TNFRSF21: variants seen among roughly 807,000 people sequenced by gnomAD.
TNFRSF21 encodes the protein TNF receptor superfamily member 21, also known as tumor necrosis factor receptor superfamily member 21.
In TNFRSF21, 19 loss-of-function variants were observed where a neutral mutation model predicts 45.6. The observed-to-expected ratio is 0.42, with a 90% CI of 0.29 to 0.61. The LOEUF (loss-of-function observed/expected upper bound fraction) is 0.61. Ranked by LOEUF, TNFRSF21 falls within the 20% of genes least tolerant of loss-of-function variation. The probability of loss-of-function intolerance (pLI) is 0.23; values close to 1 mark genes in which losing one functional copy is unlikely to be tolerated. For missense variants in TNFRSF21, 737 were observed against 851.5 expected, an observed-to-expected ratio of 0.87 and a Z score of 1.67; for synonymous variants, 314 against 335.5, an observed-to-expected ratio of 0.94 and a Z score of 0.70.
chr6:47,302,811 A>C (rs1230377132), intron 1 of TNFRSF21, among the ~76,000 whole-genome samples: 2 of 152,218 alleles, frequency 1.3e-5, no homozygotes, highest in Non-Finnish European at 2.9e-5. Context: ...AGCAGTGTGC[A>C]CAAAGCCACA....
rs1211680765 is a variant in TNFRSF21, at chr6:47,287,322, A to AG, written c.97-728_97-727insC. ...AACTCTTTCTCAAAAAAAAAAAAAA[A>AG]AAAAAAAAAAAAGAAAAGAAAAATT... On this transcript the variant is annotated intron_variant, in intron 1 of 5. Transcript: ENST00000296861. Among the ~76,000 whole-genome samples the AG allele has an allele frequency of 1.5e-4, 23 of 148,810 alleles. 1 individual carries two copies. The highest frequency in any genetic ancestry group is 5.1e-4 in the African/African-American group (21 of 40,798).
intron 1 of TNFRSF21, among the ~76,000 whole-genome samples, chr6:47,306,559 G>A (rs1762942251): frequency 6.6e-6 from 1 of 152,136 alleles, no homozygotes; most frequent in African/African-American, 2.4e-5. Flanking sequence ...ATGAATAAAT[G>A]AGATACTGTA....
intron 1 of TNFRSF21, among the ~76,000 whole-genome samples, chr6:47,307,504 G>C (rs962871970): frequency 2.6e-5 from 4 of 152,066 alleles, no homozygotes; most frequent in African/African-American, 9.7e-5. Flanking sequence ...TCAGCCTCCT[G>C]AGTTGCTGGG....
At chr6:47,275,428 C>T (rs544645709) in intron 3 of TNFRSF21, among the ~76,000 whole-genome samples, 1 of 152,282 alleles carries the variant, frequency 6.6e-6, no homozygotes, top group South Asian at 2.1e-4. Context: ...ACCGCATGTT[C>T]TCACTCATAG....
intron 3 of TNFRSF21, among the ~76,000 whole-genome samples, chr6:47,283,075 C>A (rs1762592890): frequency 6.6e-6 from 1 of 152,128 alleles, no homozygotes. Context: ...AATAGATATA[C>A]CCCTTTCTCT....
At chr6:47,257,374 CATGAACTGGCTGGGGTCGCCA>C (rs1765003236) in intron 3 of TNFRSF21, among the ~76,000 whole-genome samples, 1 of 152,210 alleles carries the variant, frequency 6.6e-6, no homozygotes, top group Non-Finnish European at 1.5e-5. Context: ...GAGTCAACTC[CATGAACTGGCTGGGGTCGCCA>C]ATGTTCTTCA....
intron 3 of TNFRSF21, among the ~76,000 whole-genome samples, chr6:47,278,457 T>A (rs1220388237): frequency 6.6e-6 from 1 of 152,222 alleles, no homozygotes; most frequent in Non-Finnish European, 1.5e-5. Context: ...ACTTAAGATG[T>A]GGCTGGTGCA....
chr6:47,260,208 G>A (rs2281448), intron 3 of TNFRSF21, among the ~76,000 whole-genome samples: 47,615 of 151,944 alleles, frequency 0.31, 9,612 homozygotes, highest in East Asian at 0.55. Flanking sequence ...CCAGACTCCC[G>A]GCTTCCTGTG....
At chr6:47,267,514 G>A (rs901979095) in intron 3 of TNFRSF21, among the ~76,000 whole-genome samples, 2 of 152,062 alleles carry the variant, frequency 1.3e-5, no homozygotes, top group African/African-American at 4.8e-5. Context: ...TGGCCTATGT[G>A]ACTCATACAT....
chr6:47,280,523 G>T (rs1039214506), intron 3 of TNFRSF21, among the ~76,000 whole-genome samples: 1 of 152,184 alleles, frequency 6.6e-6, no homozygotes, highest in Admixed American at 6.5e-5. Context: ...AAAAATCTGA[G>T]GAACAAGCCT....
At chr6:47,309,373 T>G (rs1762984184) in intron 1 of TNFRSF21, 43 bp downstream of exon 1, 2 of 1,511,952 alleles carry the variant, frequency 1.3e-6, no homozygotes, top group Non-Finnish European at 1.8e-6. Flanking sequence ...CGGTTCCTTC[T>G]GCTCCGGCGC....
At chr6:47,294,833 C>T (rs1762773182) in intron 1 of TNFRSF21, among the ~76,000 whole-genome samples, 1 of 151,982 alleles carries the variant, frequency 6.6e-6, no homozygotes, top group African/African-American at 2.4e-5. Flanking sequence ...GCCCAGCCTC[C>T]CCTCTTATTT....
rs546818140 is a variant in TNFRSF21, at chr6:47,304,292, A to T, written c.96+5124T>A. ...GATCATTTCGTGTCACCAAAAAAAAACCAAAAAAAAAAAAAAGATGTTTAT... is the reference window on the plus strand; with the variant it reads ...GATCATTTCGTGTCACCAAAAAAAATCCAAAAAAAAAAAAAAGATGTTTAT... On this transcript the variant is annotated intron_variant, in intron 1 of 5. Coordinates refer to ENST00000296861, the MANE Select transcript of TNFRSF21 (RefSeq NM_014452.5). 1.7e-4 allele frequency among the ~76,000 whole-genome samples: 19 copies of T among 111,512 alleles called. 1 individual carries two copies. The South Asian group carries it at 4.1e-3, about 24-fold the overall frequency. The allele number at this position is 111,512 out of a possible 152,430, so 73.2% of individuals were successfully genotyped here. A position where few individuals can be genotyped will look rare whatever the true frequency, so the allele number is the denominator to read the frequency against.
At chr6:47,274,959 G>A (rs1397671776) in intron 3 of TNFRSF21, among the ~76,000 whole-genome samples, 2 of 152,214 alleles carry the variant, frequency 1.3e-5, no homozygotes, top group Non-Finnish European at 2.9e-5. Context: ...ACTCCAGTTA[G>A]AATGGCAATC....
chr6:47,298,259 G>C (rs981936357), intron 1 of TNFRSF21, among the ~76,000 whole-genome samples: 4 of 143,794 alleles, frequency 2.8e-5, no homozygotes, highest in African/African-American at 1.1e-4. Flanking sequence ...TGGCAACATA[G>C]GCAGACCCTG....
intron 4 of TNFRSF21, among the ~76,000 whole-genome samples, chr6:47,242,050 A>C (rs1207229095): frequency 6.6e-6 from 1 of 152,118 alleles, no homozygotes; most frequent in Non-Finnish European, 1.5e-5. Context: ...CACAACACCA[A>C]GATGTTCTGC....
At position 47,286,214 on chromosome 6, in the gene TNFRSF21, C is replaced by CT. The variant is rs1405730296; in HGVS notation, c.477dup (p.Gly160ArgfsTer5). ...CACCGCACATCCTCAGTCTCTGTCC[C>CT]TTTCTTCCGCACACCCCAACCCACA... On this transcript the variant is annotated frameshift_variant, in exon 2 of 6. Transcript: ENST00000296861. LOFTEE classifies it high-confidence loss of function. 6.2e-7 allele frequency: 1 copy of CT among 1,614,246 alleles called. No individual in the cohort carries two copies. The highest frequency in any genetic ancestry group is 1.1e-5 in the South Asian group (1 of 91,080).
chr6:47,244,796 G>A lies in TNFRSF21; in HGVS notation c.1509+8460C>T, dbSNP rs1426593082. Among the ~76,000 whole-genome samples the A allele has an allele frequency of 2.6e-5, 4 of 152,248 alleles. No individual in the cohort carries two copies. The East Asian group carries it at 7.7e-4, about 29-fold the overall frequency. On this transcript the variant is annotated intron_variant, in intron 4 of 5. Transcript: ENST00000296861. ...GTGAAAAATAAGTGATGAAAACCTC[G>A]AAATTAACTGATATAAAATAAAACC...
chr6:47,255,407 G>A (rs889037250), intron 3 of TNFRSF21, among the ~76,000 whole-genome samples: 1 of 151,708 alleles, frequency 6.6e-6, no homozygotes, highest in Non-Finnish European at 1.5e-5. Flanking sequence ...AAGGGCCCTG[G>A]TATTTTACTA....
Sources: allele counts gnomAD v4.1 joint callset (sites outside exome capture counted in the v4.1 genomes callset), GRCh38; gene constraint gnomAD v4.1.1; transcripts MANE v1.5; gene names NCBI Gene and HGNC (gene_info 2026-07-23, HGNC 2026-07-21).